Variants in EMILIN3 observed in about 807,000 individuals in gnomAD.
The protein encoded by EMILIN3 is elastin microfibril interfacer 3, also known as EMILIN-3.
A neutral mutation model predicts 42.8 loss-of-function variants in EMILIN3; 38 were observed. The observed-to-expected ratio is 0.89, with a 90% CI of 0.69 to 1.16. The LOEUF is 1.16. Ranked by LOEUF, EMILIN3 falls within the 50% of genes most tolerant of loss-of-function variation. The pLI is 0.00. For missense variants in EMILIN3, 924 were observed against 999.5 expected (o/e 0.92, Z 1.02); for synonymous variants, 430 against 440.5 (o/e 0.98, Z 0.30).
chr20:41,362,581 A>G lies in EMILIN3; in HGVS notation c.988T>C (p.Cys330Arg). Residue 330 changes from cysteine to arginine, a missense_variant, in exon 4 of 4, where the codon TGT (cysteine) becomes CGT (arginine). Physicochemically the swap from Cys to Arg is radical, Grantham distance 180 (BLOSUM62 -3). Transcript: ENST00000332312. ...EQKLQGVQSECDLRVQEVRRQ... is the reference protein window; with the variant it reads ...EQKLQGVQSERDLRVQEVRRQ... ...CGTACCTCCTGCACCCGCAGGTCAC[A>G]CTCACTCTGGACGCCTTGCAGCTTC... The G allele has an allele frequency of 6.2e-7, 1 of 1,600,662 alleles. No homozygotes were observed. The highest frequency in any genetic ancestry group is 8.5e-7 in the Non-Finnish European group (1 of 1,179,270).
In EMILIN3 at chr20:41,362,091, G is replaced by T; in HGVS notation, c.1478C>A (p.Ala493Asp). The change falls in exon 4 of 4, where the codon GCC (alanine) becomes GAC (aspartate). Residue 493 changes from alanine to aspartate, a missense_variant. Coordinates refer to ENST00000332312, the MANE Select transcript of EMILIN3 (RefSeq NM_052846.2). The part of the protein sequence containing the change: ...TLAGELSHDS[A>D]SPGRSARPLV... ...GGGCCGAGCTGACCTGCCCGGAGAG[G>T]CGCTGTCATGGCTTAGCTCCCCAGC... is the stretch of plus-strand genomic sequence containing the variant. 6.2e-7 allele frequency: 1 copy of T among 1,606,332 alleles called. No homozygotes were observed. Among genetic ancestry groups the T allele is most frequent in the South Asian group, 1.1e-5 (1 of 90,806 alleles).
In EMILIN3 at chr20:41,361,606, G is replaced by A. The variant is rs756887796; in HGVS notation, c.1963C>T (p.Arg655Cys). Reference protein sequence around the residue: ...QAGHRQVLNLRGELEQLKAGV... With the variant: ...QAGHRQVLNLCGELEQLKAGV... ...GCCTTGAGTTGCTCCAGCTCCCCAC[G>A]CAGGTTCAGGACCTGCCTGTGGCCA... The change falls in exon 4 of 4, where the codon CGT becomes TGT. Residue 655 changes from arginine (R) to cysteine (C), a missense_variant. Transcript: ENST00000332312. 4.3e-6 allele frequency: 7 copies of A among 1,610,598 alleles called. No individual in the cohort carries two copies. The highest frequency in any genetic ancestry group is 1.3e-5 in the African/African-American group (1 of 74,940).
intron 1 of EMILIN3, 68 bp from the exon 2 acceptor site, chr20:41,365,225 A>C: frequency 6.3e-7 from 1 of 1,578,450 alleles, no homozygotes. Context: ...CTACCCTCCC[A>C]CCTCCATCTG....
Position 41,366,504 on chromosome 20 carries a change from G to A in EMILIN3, c.131C>T (p.Thr44Met). ...CGGGCGCAGCCGCGGGCGCCATCCC[G>A]TCGTGTAGAGACTGTAGCGGGAGGC... ...PGASRYSLYT[T>M]GWRPRLRPGP... The change falls in exon 1 of 4, where the codon ACG becomes ATG. Residue 44 changes from threonine (T) to methionine (M), a missense_variant. Transcript: ENST00000332312. This position sits in a 1 kb window ranked among gnomAD's most constrained non-coding sequence, Gnocchi z 4.2. 8.6e-7 allele frequency: 1 copy of A among 1,160,194 alleles called. No individual in the cohort carries two copies. 71.9% of individuals were successfully genotyped at this position (1,160,194 alleles called of 1,614,324 possible).
In EMILIN3 at chr20:41,361,885, T is replaced by C. The variant is rs2147033896; in HGVS notation, c.1684A>G (p.Asn562Asp). The C allele has an allele frequency of 1.4e-5, 23 of 1,612,602 alleles. No homozygotes were observed. The highest frequency in any genetic ancestry group is 3.3e-5 in the South Asian group (3 of 91,058). The change falls in exon 4 of 4, where the codon AAT becomes GAT. Residue 562 changes from asparagine (N) to aspartate (D), a missense_variant. Coordinates refer to ENST00000332312, the MANE Select transcript of EMILIN3 (RefSeq NM_052846.2). The stretch of plus-strand genomic sequence containing the variant: ...CCCTGGACCTCGGCCACAGTGCCAT[T>C]GAGCTGCTGGAGCAGTGCTGCGTGG... ...ASHAALLQQL[N>D]GTVAEVQGQL...
At position 41,362,503 on chromosome 20, in the gene EMILIN3, C is replaced by T. The variant is rs975279041; in HGVS notation, c.1066G>A (p.Asp356Asn). 3.1e-6 allele frequency: 5 copies of T among 1,599,598 alleles called. No homozygotes were observed. Among genetic ancestry groups the T allele is most frequent in the Middle Eastern group, 1.7e-4 (1 of 6,046 alleles). ...AASRRLHQSL[D>N]GRELALRQEL... ...TGGCGCAGGGCCAGCTCCCGGCCAT[C>T]AAGGCTCTGGTGCAGCCTCCGGCTG... The change falls in exon 4 of 4, where the codon GAT (aspartate) becomes AAT (asparagine). Residue 356 changes from aspartate to asparagine, a missense_variant. Coordinates refer to ENST00000332312, the MANE Select transcript of EMILIN3 (RefSeq NM_052846.2).
At position 41,363,674 on chromosome 20, in the gene EMILIN3, G is replaced by A. The variant is rs1285546720; in HGVS notation, c.478C>T (p.Pro160Ser). ...PSGQLDPGPR[P>S]PSYSRAAPSP... is the part of the protein sequence containing the mutation. ...GGGGCTGCTCTGCTGTAGGAAGGGG[G>A]CCTGGGGCCTGGGTCCAGCTGCCCT... Residue 160 changes from proline (P) to serine (S), a missense_variant, in exon 3 of 4, where the codon CCC becomes TCC. Transcript: ENST00000332312. 1 of 1,613,386 alleles carries A rather than the reference G, an allele frequency of 6.2e-7. No homozygotes were observed. Among genetic ancestry groups the A allele is most frequent in the Non-Finnish European group, 8.5e-7 (1 of 1,179,778 alleles).
chr20:41,362,056 T>C lies in EMILIN3; in HGVS notation c.1513A>G (p.Thr505Ala). 6.2e-7 allele frequency: 1 copy of C among 1,610,740 alleles called. No individual in the cohort carries two copies. Residue 505 changes from threonine to alanine, a missense_variant, in exon 4 of 4, where the codon ACA becomes GCA. Transcript: ENST00000332312. ...PGRSARPLVQ[T>A]ELAVLEQRLV... ...CGTTGCTCTAGCACAGCCAGCTCTG[T>C]CTGTACAAGGGGCCGAGCTGACCTG...
rs779588232 is a variant in EMILIN3, at chr20:41,362,912, A to T, written c.657T>A (p.Ala219=). ...CCCCAAAGCCCACAGGGACAGCAGG[A>T]GCCCTGGGGCCACCAGTCATCCTGT... ...DPNRMTGGPR[A]PAVPVGFGVI... The change falls in exon 4 of 4, where the codon GCT becomes GCA. Residue 219 remains alanine (A), a synonymous_variant. Transcript: ENST00000332312. The T allele has an allele frequency of 1.9e-6, 3 of 1,613,598 alleles. No individual in the cohort carries two copies. The highest frequency in any genetic ancestry group is 2.2e-5 in the South Asian group (2 of 91,074).
At position 41,362,396 on chromosome 20, in the gene EMILIN3, G is replaced by A; in HGVS notation, c.1173C>T (p.Ile391=). ...RGSCCGQLAL[I]NARMDGLERA... Reference sequence around the variant, plus strand: ...TCTCAAGGCCATCCATACGGGCATTGATCAAGGCTAGTTGCCCACAGCAGC... The same window carrying A: ...TCTCAAGGCCATCCATACGGGCATTAATCAAGGCTAGTTGCCCACAGCAGC... Residue 391 remains isoleucine, a synonymous_variant, in exon 4 of 4, where the codon ATC becomes ATT. Transcript: ENST00000332312. The A allele has an allele frequency of 1.2e-6, 2 of 1,603,672 alleles. No homozygotes were observed. Among genetic ancestry groups the A allele is most frequent in the African/African-American group, 1.3e-5 (1 of 75,056 alleles).
At position 41,366,482 on chromosome 20, in the gene EMILIN3, G is replaced by T; in HGVS notation, c.153C>A (p.Arg51=). ...CCCGCGCTTACTTGTGCGGCCCCGG[G>T]CGCAGCCGCGGGCGCCATCCCGTCG... ...LYTTGWRPRL[R]PGPHKALCAY... is the part of the protein sequence containing the mutation. Residue 51 remains arginine (R), a synonymous_variant, in exon 1 of 4, where the codon CGC becomes CGA. Coordinates refer to ENST00000332312, the MANE Select transcript of EMILIN3 (RefSeq NM_052846.2). The surrounding 1 kb of genome is among the most constrained non-coding windows in gnomAD (Gnocchi z 4.2). The T allele has an allele frequency of 1.3e-5, 15 of 1,144,416 alleles. No individual in the cohort carries two copies. The highest frequency in any genetic ancestry group is 1.6e-5 in the Non-Finnish European group (15 of 932,750). 70.9% of individuals were successfully genotyped at this position (1,144,416 alleles called of 1,614,324 possible).
chr20:41,361,474 C>T lies in EMILIN3; in HGVS notation c.2095G>A (p.Ala699Thr). ...GCCAGCAGGCCCAGCCTCCTGCACG[C>T]ACCCTCCACTTGTGCCACCCGCTGG... ...FDQRVAQVEG[A>T]CRRLGLLAAG... Residue 699 changes from alanine (A) to threonine (T), a missense_variant, in exon 4 of 4, where the codon GCG (alanine) becomes ACG (threonine). Ala to Thr is a moderately conservative substitution (Grantham distance 58). Coordinates refer to ENST00000332312, the MANE Select transcript of EMILIN3 (RefSeq NM_052846.2). The T allele has an allele frequency of 6.2e-7, 1 of 1,608,220 alleles. No individual in the cohort carries two copies. Among genetic ancestry groups the T allele is most frequent in the Non-Finnish European group, 8.5e-7 (1 of 1,176,380 alleles).
At chr20:41,363,265 C>A (rs749032006) in intron 3 of EMILIN3, among the ~76,000 whole-genome samples, 3 of 152,124 alleles carry the variant, frequency 2.0e-5, no homozygotes, top group Admixed American at 1.3e-4. Context: ...CTCAGCCTCC[C>A]AAGCAGCTGG....
At chr20:41,365,875 A>G (rs1224024959) in intron 1 of EMILIN3, among the ~76,000 whole-genome samples, 1 of 149,854 alleles carries the variant, frequency 6.7e-6, no homozygotes, top group Non-Finnish European at 1.5e-5. Flanking sequence ...ATGAGCCACA[A>G]GGGCTGAGGA....
chr20:41,361,578 C>T lies in EMILIN3; in HGVS notation c.1991G>A (p.Gly664Asp). 2 of 1,612,292 alleles carry T rather than the reference C, an allele frequency of 1.2e-6. No individual in the cohort carries two copies. Among genetic ancestry groups the T allele is most frequent in the Non-Finnish European group, 1.7e-6 (2 of 1,180,014 alleles). Residue 664 changes from glycine to aspartate, a missense_variant, in exon 4 of 4, where the codon GGT becomes GAT. Transcript: ENST00000332312. ...CAGCCCACTGGCCACCTTGGCCACA[C>T]CAGCCTTGAGTTGCTCCAGCTCCCC... ...LRGELEQLKA[G>D]VAKVASGLSR...
chr20:41,365,708 G>A (rs2046390165), intron 1 of EMILIN3, among the ~76,000 whole-genome samples: 1 of 152,154 alleles, frequency 6.6e-6, no homozygotes, highest in Non-Finnish European at 1.5e-5. Context: ...CCCACTGAGT[G>A]TCGGTACTCT....
chr20:41,362,320 C>T lies in EMILIN3; in HGVS notation c.1249G>A (p.Gly417Arg), dbSNP rs142271291. 49 of 1,612,466 alleles carry T rather than the reference C, an allele frequency of 3.0e-5. No individual in the cohort carries two copies. The highest frequency in any genetic ancestry group is 2.3e-4 in the African/African-American group (17 of 74,916). Residue 417 changes from glycine to arginine, a missense_variant, in exon 4 of 4, where the codon GGG becomes AGG. Transcript: ENST00000332312. ...GCAGAGAGCCTCGTAAGCTCATCCCCGGCCGGGGCACCGGGGCCCCTTTGG... is the reference window on the plus strand; with the variant it reads ...GCAGAGAGCCTCGTAAGCTCATCCCTGGCCGGGGCACCGGGGCCCCTTTGG... ...ETQRGPGAPAGDELTRLSAAM... is the reference protein window; with the variant it reads ...ETQRGPGAPARDELTRLSAAM...
chr20:41,363,363 G>A (rs570097685), intron 3 of EMILIN3, among the ~76,000 whole-genome samples: 3 of 152,144 alleles, frequency 2.0e-5, no homozygotes, highest in South Asian at 2.1e-4. Flanking sequence ...GGATGGTCTC[G>A]ATCTCCTAAC....
chr20:41,361,063 C>T lies in EMILIN3; in HGVS notation c.*205G>A, dbSNP rs1056092657. ...TCAAGCATGACATCCTTGCCTTGAC[C>T]GCTGTCCGGAACTGTCCAGTTTCTG... On this transcript the variant is annotated 3_prime_UTR_variant, in exon 4 of 4. Coordinates refer to ENST00000332312, the MANE Select transcript of EMILIN3 (RefSeq NM_052846.2). The T allele has an allele frequency of 3.2e-5, 16 of 505,364 alleles. 1 individual carries two copies. The highest frequency in any genetic ancestry group is 1.9e-4 in the African/African-American group (10 of 52,312). 31.3% of individuals were successfully genotyped at this position (505,364 alleles called of 1,614,324 possible).
Sources: gnomAD v4.1 joint callset for allele counts (sites outside exome capture counted in the v4.1 genomes callset) on GRCh38, gnomAD v4.1.1 for gene constraint, Gnocchi (gnomAD v3.1) non-coding constraint, MANE v1.5 for transcripts, NCBI Gene and HGNC (gene_info 2026-07-23, HGNC 2026-07-21) for gene names.